Variants in MAP3K5 observed in about 807,000 individuals in gnomAD.
The protein encoded by MAP3K5 is ASK-1.
Under a neutral mutation model 158.7 loss-of-function variants are expected in MAP3K5, and 56 were observed. The observed-to-expected ratio is 0.35, with a 90% confidence interval of 0.28 to 0.44. The LOEUF (loss-of-function observed/expected upper bound fraction) is 0.44, where lower values mean the gene tolerates loss of function less well. Among genes scored for constraint, MAP3K5 ranks in the 20% least tolerant of loss-of-function variants. MAP3K5 has a pLI of 1.00. For synonymous variants in MAP3K5, 579 were observed against 601.7 expected (o/e 0.96, Z 0.55); for missense variants, 1,294 against 1,674.8 (o/e 0.77, Z 3.97).
intron 9 of MAP3K5, among the ~76,000 whole-genome samples, chr6:136,657,469 A>T (rs1047731461): frequency 6.6e-6 from 1 of 152,240 alleles, no homozygotes; most frequent in African/African-American, 2.4e-5. Flanking sequence ...ACTGTAAAGA[A>T]ATAGCAAATG....
intron 14 of MAP3K5, chr6:136,630,211 T>C (rs1225566942): frequency 1.3e-5 from 2 of 152,268 alleles, no homozygotes; most frequent in Non-Finnish European, 2.9e-5. Context: ...TTGTGTTTAT[T>C]GTCCGTCTCT....
At chr6:136,663,290 C>T (rs995393170) in intron 8 of MAP3K5, among the ~76,000 whole-genome samples, 1 of 152,162 alleles carries the variant, frequency 6.6e-6, no homozygotes, top group South Asian at 2.1e-4. Flanking sequence ...CAATGAATGA[C>T]CATATTTTCA....
At chr6:136,660,496 G>A (rs912444256) in intron 8 of MAP3K5, among the ~76,000 whole-genome samples, 12 of 152,110 alleles carry the variant, frequency 7.9e-5, no homozygotes, top group Non-Finnish European at 1.6e-4. Flanking sequence ...CTGAAATCCG[G>A]TAATGTAGAT....
At chr6:136,737,222 A>G (rs1782514102) in intron 1 of MAP3K5, among the ~76,000 whole-genome samples, 1 of 151,002 alleles carries the variant, frequency 6.6e-6, no homozygotes, top group Non-Finnish European at 1.5e-5. Flanking sequence ...AGGAATAGAC[A>G]CTGGGGATAC....
At chr6:136,745,886 T>G (rs937402192) in intron 1 of MAP3K5, among the ~76,000 whole-genome samples, 1 of 152,228 alleles carries the variant, frequency 6.6e-6, no homozygotes, top group Non-Finnish European at 1.5e-5. Context: ...CTTAGTCACG[T>G]TCCAAAGTCT....
intron 28 of MAP3K5, among the ~76,000 whole-genome samples, chr6:136,559,111 G>A (rs1830385335): frequency 6.6e-6 from 1 of 152,186 alleles, no homozygotes. Flanking sequence ...AGCACTTTAG[G>A]AGGCTGAGGC....
At chr6:136,748,265 G>GA (rs1430835868) in intron 1 of MAP3K5, among the ~76,000 whole-genome samples, 2 of 152,092 alleles carry the variant, frequency 1.3e-5, no homozygotes, top group East Asian at 3.8e-4. Context: ...AAGGCACTTG[G>GA]AAAAATGTCA....
intron 1 of MAP3K5, among the ~76,000 whole-genome samples, chr6:136,734,141 G>A (rs748044091): frequency 6.6e-5 from 10 of 152,120 alleles, no homozygotes; most frequent in Admixed American, 6.5e-5. Context: ...TGGGGGCTGG[G>A]TGCGGTAGCT....
intron 1 of MAP3K5, among the ~76,000 whole-genome samples, chr6:136,781,872 T>C (rs1449473861): frequency 6.6e-6 from 1 of 152,176 alleles, no homozygotes; most frequent in Non-Finnish European, 1.5e-5. Flanking sequence ...AGCTTTAAGC[T>C]GACATTTGTC....
intron 28 of MAP3K5, 125 bp from the exon 29 acceptor site, chr6:136,559,001 C>T: frequency 1.6e-6 from 1 of 617,820 alleles, no homozygotes; most frequent in South Asian, 2.1e-5. Context: ...CTACTAAAAA[C>T]ACAATCTTCC....
At chr6:136,655,122 CAT>C (rs1260715696) in intron 10 of MAP3K5, among the ~76,000 whole-genome samples, 3 of 152,160 alleles carry the variant, frequency 2.0e-5, no homozygotes, top group African/African-American at 7.2e-5. Context: ...CAGACAAATT[CAT>C]ATGATACTAA....
intron 23 of MAP3K5, among the ~76,000 whole-genome samples, chr6:136,584,993 C>T (rs1775054638): frequency 1.3e-5 from 2 of 152,168 alleles, no homozygotes; most frequent in South Asian, 4.1e-4. Context: ...CTACCCCTTA[C>T]CCATCAATGA....
At chr6:136,688,338 C>T (rs1006238483) in intron 7 of MAP3K5, among the ~76,000 whole-genome samples, 4 of 152,066 alleles carry the variant, frequency 2.6e-5, no homozygotes, top group Middle Eastern at 3.4e-3. Context: ...TTGATGGGTG[C>T]AGCAAACCAC....
rs551769586 is a variant in MAP3K5 at position 136,637,192 on chromosome 6, T to C, written c.2016+133A>G. ...CTTTTTACCAAAGGAATTCTGGAAG[T>C]TGCTTTTAACACTAAAGGAAAGCCT... is the stretch of plus-strand genomic sequence containing the variant. On this transcript the variant is annotated intron_variant, in intron 14 of 29. Transcript: ENST00000359015. 145 of 1,289,316 alleles carry C rather than the reference T, an allele frequency of 1.1e-4. 1 individual carries two copies. In the East Asian group the frequency reaches 3.7e-3, roughly 33 times the overall value. The allele number at this position is 1,289,316 out of a possible 1,614,324, so 79.9% of individuals were successfully genotyped here.
intron 7 of MAP3K5, among the ~76,000 whole-genome samples, chr6:136,675,339 TCTAA>T (rs1435067262): frequency 6.6e-6 from 1 of 152,082 alleles, no homozygotes; most frequent in East Asian, 1.9e-4. Context: ...GCCAAGTTCA[TCTAA>T]CTGACTTACC....
intron 25 of MAP3K5, among the ~76,000 whole-genome samples, chr6:136,571,671 G>C (rs1198769862): frequency 6.6e-6 from 1 of 152,188 alleles, no homozygotes; most frequent in Non-Finnish European, 1.5e-5. Context: ...TACTTGGGTT[G>C]CTTCCACCTC....
Position 136,750,901 on chromosome 6 carries a change from T to C in MAP3K5, c.449-30312A>G, listed in dbSNP as rs924650251. ...TAGTATTTCGGGATGTCAAAAGTTC[T>C]GAGTTTCTTCAGAAATTTTTTCTGA... On this transcript the variant is annotated intron_variant, in intron 1 of 29. Coordinates refer to ENST00000359015, the MANE Select transcript of MAP3K5 (RefSeq NM_005923.4). Among the ~76,000 whole-genome samples, 11 of 152,372 alleles carry C rather than the reference T, an allele frequency of 7.2e-5. 1 individual carries two copies. Among genetic ancestry groups the C allele is most frequent in the African/African-American group, 2.6e-4 (11 of 41,594 alleles).
At chr6:136,738,941 T>C (rs1203206905) in intron 1 of MAP3K5, among the ~76,000 whole-genome samples, 2 of 107,688 alleles carry the variant, frequency 1.9e-5, no homozygotes, top group Non-Finnish European at 3.8e-5. Context: ...CACACACGCG[T>C]GCACACACAC....
intron 1 of MAP3K5, among the ~76,000 whole-genome samples, chr6:136,764,873 T>C (rs1002682552): frequency 2.6e-5 from 4 of 152,202 alleles, no homozygotes; most frequent in Non-Finnish European, 5.9e-5. Context: ...CTGGCCCTAA[T>C]TGATGTGTTT....
Sources: gnomAD v4.1 joint callset for allele counts (sites outside exome capture counted in the v4.1 genomes callset) on GRCh38, gnomAD v4.1.1 for gene constraint, MANE v1.5 for transcripts, NCBI Gene and HGNC (gene_info 2026-07-23, HGNC 2026-07-21) for gene names.